The following TMEM94 variants were observed in gnomAD, a reference collection of about 807,000 sequenced individuals.
The protein encoded by TMEM94 is transmembrane protein 94.
TMEM94 carries 81 observed loss-of-function variants against 158.6 expected under a neutral mutation model. The observed-to-expected ratio is 0.51, with a 90% CI of 0.43 to 0.61. The LOEUF (loss-of-function observed/expected upper bound fraction) is 0.61, where lower values mean the gene tolerates loss of function less well. Among genes scored for constraint, TMEM94 ranks in the 20% least tolerant of loss-of-function variants. The pLI, the probability that TMEM94 is intolerant of heterozygous loss-of-function variation, is 0.00. For synonymous variants in TMEM94, 751 were observed against 730.7 expected (o/e 1.03, Z -0.45); for missense variants, 1,435 against 1,762.0 (o/e 0.81, Z 3.32).
intron 1 of TMEM94, among the ~76,000 whole-genome samples, chr17:75,464,730 C>T (rs8078169): frequency 0.68 from 95,773 of 141,492 alleles, 34,881 homozygotes; most frequent in Non-Finnish European, 0.81. Context: ...TTTCTTGAGA[C>T]GGAGTTTCAC....
At chr17:75,459,052 GT>G (rs1244229353) in intron 1 of TMEM94, among the ~76,000 whole-genome samples, 1 of 136,094 alleles carries the variant, frequency 7.3e-6, no homozygotes, top group African/African-American at 2.8e-5. Flanking sequence ...GCGAGACTCC[GT>G]CTCAAAAAAA....
chr17:75,465,679 A>ATATATATTTTTTTTTTTTTTTTTTTTTT (rs1247855961), intron 1 of TMEM94, among the ~76,000 whole-genome samples: 1 of 124,848 alleles, frequency 8.0e-6, no homozygotes, highest in African/African-American at 3.5e-5. Context: ...ATATATATAT[A>ATATATATTTTTTTTTTTTTTTTTTTTTT]TTTTTTTTTA....
Position 75,491,335 on chromosome 17 carries a change from G to C in TMEM94, c.1266G>C (p.Leu422=). The C allele has an allele frequency of 2.5e-6, 4 of 1,614,178 alleles. No individual in the cohort carries two copies. Among genetic ancestry groups the C allele is most frequent in the Non-Finnish European group, 3.4e-6 (4 of 1,180,040 alleles). ...GCTGTGTGGACAAACAGGGGATCCT[G>C]TCATGGCCAAATCCCAGCCCAGAGA... The part of the protein sequence containing the change: ...VLCCVDKQGI[L]SWPNPSPETV... Residue 422 remains leucine, a synonymous_variant, in exon 13 of 32, where the codon CTG becomes CTC. Coordinates refer to ENST00000314256, the MANE Select transcript of TMEM94 (RefSeq NM_014738.6). This position sits in a 1 kb window ranked among gnomAD's most constrained non-coding sequence, Gnocchi z 5.1.
chr17:75,480,238 G>A lies in TMEM94; in HGVS notation c.25-5190G>A, dbSNP rs576050413. The stretch of plus-strand genomic sequence containing the variant: ...TGCAAAGAGCAGACTGGCCCAGAAC[G>A]CTGGGTCCTCACTGCAGGGCTGGCC... On this transcript the variant is annotated intron_variant, in intron 2 of 31. Coordinates refer to ENST00000314256, the MANE Select transcript of TMEM94 (RefSeq NM_014738.6). 5.9e-5 allele frequency among the ~76,000 whole-genome samples: 9 copies of A among 152,366 alleles called. No homozygotes were observed. In the East Asian group the frequency reaches 9.6e-4, roughly 16 times the overall value.
chr17:75,464,602 CTT>C (rs1567906554), intron 1 of TMEM94, among the ~76,000 whole-genome samples: 2 of 58,088 alleles, frequency 3.4e-5, no homozygotes, highest in Non-Finnish European at 8.9e-5. Flanking sequence ...TTCTTTCTTT[CTT>C]TCCTTCCTTT....
rs372068615 is a variant in TMEM94 at position 75,497,136 on chromosome 17, G to T, written c.3345G>T (p.Leu1115=). ...VIQFLSCLVQ[L]PPLLSTTDIL... ...AGTTCCTTTCTTGCCTGGTCCAGCT[G>T]CCGCCACTCCTGAGTACCACCGACA... Residue 1115 remains leucine (L), a synonymous_variant, in exon 26 of 32, where the codon CTG becomes CTT. Coordinates refer to ENST00000314256, the MANE Select transcript of TMEM94 (RefSeq NM_014738.6). 1 of 1,614,062 alleles carries T rather than the reference G, an allele frequency of 6.2e-7. No individual in the cohort carries two copies. The highest frequency in any genetic ancestry group is 2.2e-5 in the East Asian group (1 of 44,864).
rs181375215 is a variant in TMEM94 at position 75,488,084 on chromosome 17, A to C, written c.562A>C (p.Ile188Leu). 3.7e-6 allele frequency: 6 copies of C among 1,614,122 alleles called. No homozygotes were observed. Among genetic ancestry groups the C allele is most frequent in the Non-Finnish European group, 5.1e-6 (6 of 1,180,028 alleles). The change falls in exon 6 of 32, where the codon ATA becomes CTA. Residue 188 changes from isoleucine (I) to leucine (L), a missense_variant. This residue lies in a region of TMEM94 where 1,051 missense variants were observed against 1,254.4 expected (regional missense o/e 0.84). Transcript: ENST00000314256. Reference protein sequence around the residue: ...PVSLLVEGDIIALRPGQESFA... With the variant: ...PVSLLVEGDILALRPGQESFA... ...CAGCCTGCTGGTTGAAGGAGACATC[A>C]TAGCTTTGAGGCCTGGCCAGGAATC...
Position 75,485,963 on chromosome 17 carries a change from G to A in TMEM94, c.237G>A (p.Leu79=), listed in dbSNP as rs1364465125. The A allele has an allele frequency of 4.3e-6, 7 of 1,612,856 alleles. No homozygotes were observed. The East Asian group carries it at 1.6e-4, about 36-fold the overall frequency. Residue 79 remains leucine (L), a synonymous_variant, in exon 4 of 32, where the codon CTG becomes CTA. Transcript: ENST00000314256. This position sits in a 1 kb window ranked among gnomAD's most constrained non-coding sequence, Gnocchi z 5.5. ...CACTCATGCTACTGGCCGTGCTGCT[G>A]CTGCTGGGCTGCTGCGGGGGACAGC... ...GASLMLLAVL[L]LLGCCGGQPA...
At chr17:75,461,869 G>T (rs373279753) in intron 1 of TMEM94, among the ~76,000 whole-genome samples, 8 of 149,730 alleles carry the variant, frequency 5.3e-5, no homozygotes, top group South Asian at 2.1e-4. Flanking sequence ...AGTCGAGATC[G>T]TGCCACTGCA....
In TMEM94 at chr17:75,496,807, G is replaced by C; in HGVS notation, c.3321G>C (p.Gln1107His). 1 of 1,613,462 alleles carries C rather than the reference G, an allele frequency of 6.2e-7. No individual in the cohort carries two copies. Among genetic ancestry groups the C allele is most frequent in the Non-Finnish European group, 8.5e-7 (1 of 1,179,954 alleles). The part of the protein sequence containing the change: ...LQCQLTLVVI[Q>H]FLSCLVQLPP... ...GCCAGCTGACTCTTGTGGTCATCCA[G>C]GTGAGGTGGGGCCCGCACAGGCATT... is the stretch of plus-strand genomic sequence containing the variant. The change falls in exon 25 of 32, where the codon CAG (glutamine) becomes CAC (histidine). Residue 1107 changes from glutamine (Q) to histidine (H), a missense_variant and splice_region_variant. By Grantham distance (24) the Gln-to-His change is conservative (BLOSUM62 0). This residue lies in a region of TMEM94 where 335 missense variants were observed against 409.1 expected (regional missense o/e 0.82). Transcript: ENST00000314256.
chr17:75,461,378 G>T (rs2050063112), intron 1 of TMEM94, among the ~76,000 whole-genome samples: 1 of 151,966 alleles, frequency 6.6e-6, no homozygotes, highest in South Asian at 2.1e-4. Context: ...GGGATTACAG[G>T]CATGAGCCAC....
rs370945470 is a variant in TMEM94, at chr17:75,494,743, G to A, written c.2524G>A (p.Asp842Asn). ...QARLDIVRLIDGLVNACIRFV... is the reference protein window; with the variant it reads ...QARLDIVRLINGLVNACIRFV... Reference sequence around the variant, plus strand: ...CCGGCTGGACATCGTGCGCCTCATTGATGGGCTTGTCAACGCCTGCATCCG... The same window carrying A: ...CCGGCTGGACATCGTGCGCCTCATTAATGGGCTTGTCAACGCCTGCATCCG... Residue 842 changes from aspartate to asparagine, a missense_variant, in exon 19 of 32, where the codon GAT (aspartate) becomes AAT (asparagine). By Grantham distance (23) the Asp-to-Asn change is conservative. Around this residue, in one of 3 missense-constraint regions of TMEM94, gnomAD observed 1,051 missense variants for 1,254.4 expected, o/e 0.84. Coordinates refer to ENST00000314256, the MANE Select transcript of TMEM94 (RefSeq NM_014738.6). The A allele has an allele frequency of 1.1e-5, 17 of 1,613,610 alleles. No homozygotes were observed. The highest frequency in any genetic ancestry group is 1.4e-5 in the Non-Finnish European group (17 of 1,180,042).
intron 2 of TMEM94, among the ~76,000 whole-genome samples, chr17:75,472,984 C>A (rs1471955033): frequency 6.6e-6 from 1 of 152,208 alleles, no homozygotes; most frequent in Non-Finnish European, 1.5e-5. Flanking sequence ...GAAATTAACT[C>A]ATCTCTTCCA....
At chr17:75,486,139 A>T in intron 4 of TMEM94, 141 bp downstream of exon 4, 1 of 1,436,278 alleles carries the variant, frequency 7.0e-7, no homozygotes, top group South Asian at 1.3e-5. Context: ...AGTCCCTTGA[A>T]TGGGGTCAGA....
chr17:75,496,689 C>T (rs8069944), intron 24 of TMEM94, 41 bp from the exon 25 acceptor site: 3 of 1,589,618 alleles, frequency 1.9e-6, no homozygotes, highest in Non-Finnish European at 1.7e-6. Flanking sequence ...TGGGAGAGGC[C>T]AGGTAGACCC....
Position 75,465,655 on chromosome 17 carries a change from T to TATA in TMEM94, c.-106-6145_-106-6144insATA, listed in dbSNP as rs9302993. Reference sequence around the variant, plus strand: ...TCTTGTTACTGAGCTATAAGAATTTTTATATATATATATATATATATATAT... The same window carrying TATA: ...TCTTGTTACTGAGCTATAAGAATTTTATATATATATATATATATATATATATAT... On this transcript the variant is annotated intron_variant, in intron 1 of 31. Coordinates refer to ENST00000314256, the MANE Select transcript of TMEM94 (RefSeq NM_014738.6). 2.4e-3 allele frequency among the ~76,000 whole-genome samples: 242 copies of TATA among 98,832 alleles called. 3 individuals are homozygous for TATA. Among genetic ancestry groups the TATA allele is most frequent in the Middle Eastern group, 4.9e-3 (1 of 206 alleles). 64.8% of individuals were successfully genotyped at this position (98,832 alleles called of 152,430 possible).
At position 75,489,007 on chromosome 17, in the gene TMEM94, C is replaced by A; in HGVS notation, c.764+97C>A. ...GGGGCCCCGTTCATCTCGAGGTTCT[C>A]TTGAGGGCAGGCATCTCCTTAGGCT... On this transcript the variant is annotated intron_variant, in intron 7 of 31. Coordinates refer to ENST00000314256, the MANE Select transcript of TMEM94 (RefSeq NM_014738.6). The surrounding 1 kb of genome is among the most constrained non-coding windows in gnomAD (Gnocchi z 5.0). 7.5e-7 allele frequency: 1 copy of A among 1,336,278 alleles called. No individual in the cohort carries two copies. Among genetic ancestry groups the A allele is most frequent in the Non-Finnish European group, 1.0e-6 (1 of 970,338 alleles). The allele number at this position is 1,336,278 out of a possible 1,614,324, so 82.8% of individuals were successfully genotyped here. A position where few individuals can be genotyped will look rare whatever the true frequency, so the allele number is the denominator to read the frequency against.
chr17:75,456,781 G>A (rs1236459889), intron 1 of TMEM94, 30 bp downstream of exon 1: 1 of 152,350 alleles, frequency 6.6e-6, no homozygotes, highest in Non-Finnish European at 1.5e-5. Context: ...TGGCCCGAAA[G>A]TGGGGAGCAA....
intron 4 of TMEM94, 95 bp downstream of exon 4, chr17:75,486,093 C>A: frequency 6.8e-7 from 1 of 1,467,562 alleles, no homozygotes. Flanking sequence ...GGGCTGTCAC[C>A]CCCAAGCTGC....
Sources: gnomAD v4.1 joint callset for allele counts (sites outside exome capture counted in the v4.1 genomes callset) on GRCh38, gnomAD v4.1.1 for gene constraint, gnomAD v4.1.1 regional missense constraint, Gnocchi (gnomAD v3.1) non-coding constraint, MANE v1.5 for transcripts, NCBI Gene and HGNC (gene_info 2026-07-23, HGNC 2026-07-21) for gene names.